CSMD1: variants seen among roughly 807,000 people sequenced by gnomAD.
CSMD1 encodes the protein CUB and sushi domain-containing protein 1.
A neutral mutation model predicts 417.5 loss-of-function variants in CSMD1; 213 were observed. That is an observed-to-expected ratio of 0.51 (90% CI 0.46 to 0.57). The LOEUF is 0.57. Among genes scored for constraint, CSMD1 ranks in the 20% least tolerant of loss-of-function variants. CSMD1 has a pLI of 0.00. For missense variants in CSMD1, 6,923 were observed against 4,529.7 expected (o/e 1.53, Z -15.17); for synonymous variants, 2,862 against 1,736.8 (o/e 1.65, Z -16.11).
chr8:3,163,051 G>A (rs1819993855), intron 37 of CSMD1, among the ~76,000 whole-genome samples: 1 of 152,152 alleles, frequency 6.6e-6, no homozygotes, highest in South Asian at 2.1e-4. Context: ...ATTGATTTTG[G>A]TTTATCAAAA....
intron 5 of CSMD1, among the ~76,000 whole-genome samples, chr8:3,968,647 A>G (rs1207364710): frequency 1.3e-5 from 2 of 152,176 alleles, no homozygotes; most frequent in African/African-American, 4.8e-5. Context: ...CTGAGGCTCT[A>G]CTGTCCTAAA....
chr8:4,707,450 G>T (rs6558904), intron 1 of CSMD1, among the ~76,000 whole-genome samples: 139,971 of 152,020 alleles, frequency 0.92, 64,551 homozygotes, highest in East Asian at 0.99. Flanking sequence ...ATGGTGGAAG[G>T]TCAGATTAAC....
At chr8:4,838,441 A>T (rs545537070) in intron 1 of CSMD1, among the ~76,000 whole-genome samples, 2 of 152,340 alleles carry the variant, frequency 1.3e-5, no homozygotes, top group Admixed American at 6.5e-5. Flanking sequence ...CTCAAACCAG[A>T]GGGAAGGGAA....
chr8:4,080,386 C>T (rs1800067832), intron 3 of CSMD1, among the ~76,000 whole-genome samples: 1 of 152,196 alleles, frequency 6.6e-6, no homozygotes, highest in African/African-American at 2.4e-5. Context: ...CAGAATTCTA[C>T]ATATTGAATT....
chr8:4,661,507 A>G (rs1002359329), intron 1 of CSMD1, among the ~76,000 whole-genome samples: 1 of 152,166 alleles, frequency 6.6e-6, no homozygotes, highest in Non-Finnish European at 1.5e-5. Flanking sequence ...AGGAACGTGA[A>G]TGTGACTCTA....
chr8:4,581,374 C>T (rs1389022861), intron 2 of CSMD1, among the ~76,000 whole-genome samples: 25 of 152,168 alleles, frequency 1.6e-4, no homozygotes, highest in Admixed American at 1.6e-3. Context: ...ATATACTGTA[C>T]ATTTTTAACT....
chr8:4,948,888 C>A (rs180696020), intron 1 of CSMD1, among the ~76,000 whole-genome samples: 23 of 152,058 alleles, frequency 1.5e-4, no homozygotes, highest in Middle Eastern at 3.4e-3. Flanking sequence ...AGATAAAAGA[C>A]CATGTTTTTA....
chr8:2,999,171 T>G (rs1436731237), intron 53 of CSMD1, among the ~76,000 whole-genome samples: 3 of 144,226 alleles, frequency 2.1e-5, no homozygotes, highest in Admixed American at 2.0e-4. Flanking sequence ...TTTTTTTTTT[T>G]TGAGATAGAG....
At chr8:3,570,042 T>A (rs1034490407) in intron 10 of CSMD1, among the ~76,000 whole-genome samples, 2 of 152,090 alleles carry the variant, frequency 1.3e-5, no homozygotes, top group South Asian at 4.1e-4. Context: ...AGAGAAAAAA[T>A]AAACTTCTAA....
chr8:3,796,364 GATATCTATCATGTAT>G (rs1427834169), intron 5 of CSMD1, among the ~76,000 whole-genome samples: 1,172 of 69,762 alleles, frequency 0.017, 292 homozygotes, highest in Middle Eastern at 0.033. Context: ...TATAGATATA[GATATCTATCATGTAT>G]ATATATATCT....
At chr8:3,958,602 G>A (rs922998145) in intron 5 of CSMD1, among the ~76,000 whole-genome samples, 10 of 151,858 alleles carry the variant, frequency 6.6e-5, no homozygotes, top group South Asian at 2.1e-4. Flanking sequence ...TCACATACCC[G>A]CATTTGAATA....
intron 10 of CSMD1, among the ~76,000 whole-genome samples, chr8:3,506,266 T>G (rs1354016090): frequency 1.3e-5 from 2 of 152,198 alleles, no homozygotes; most frequent in African/African-American, 4.8e-5. Context: ...TCTGGCATCA[T>G]CTGTCACAGA....
At chr8:4,364,965 A>G (rs1474729538) in intron 3 of CSMD1, among the ~76,000 whole-genome samples, 1 of 151,848 alleles carries the variant, frequency 6.6e-6, no homozygotes, top group African/African-American at 2.4e-5. Flanking sequence ...AAGGGATTTA[A>G]TATGTTTAAA....
chr8:4,948,081 A>T (rs1808486932), intron 1 of CSMD1, among the ~76,000 whole-genome samples: 1 of 146,012 alleles, frequency 6.8e-6, no homozygotes, highest in South Asian at 2.1e-4. Flanking sequence ...CAAGAACATT[A>T]ATTTTTTTTT....
intron 54 of CSMD1, among the ~76,000 whole-genome samples, chr8:2,997,324 C>T (rs1585116472): frequency 1.3e-5 from 2 of 152,366 alleles, no homozygotes; most frequent in South Asian, 4.1e-4. Flanking sequence ...TGGGTTCCCA[C>T]TCTGCTATCA....
intron 18 of CSMD1, 76 bp downstream of exon 18, chr8:3,387,418 C>T: frequency 7.8e-7 from 1 of 1,285,460 alleles, no homozygotes; most frequent in Non-Finnish European, 1.1e-6. Context: ...GAAATACACA[C>T]ACCACCCAGC....
At chr8:4,937,568 T>C (rs1209799483) in intron 1 of CSMD1, among the ~76,000 whole-genome samples, 2 of 152,206 alleles carry the variant, frequency 1.3e-5, no homozygotes, top group Admixed American at 6.5e-5. Context: ...TCTGTCAGCA[T>C]GACAAAGAAC....
intron 2 of CSMD1, among the ~76,000 whole-genome samples, chr8:4,442,121 C>G (rs561423450): frequency 2.0e-5 from 3 of 152,284 alleles, no homozygotes; most frequent in African/African-American, 7.2e-5. Context: ...TCCTCCCACT[C>G]TTATCTCCTG....
chr8:3,545,906 G>T (rs1021991096), intron 10 of CSMD1, among the ~76,000 whole-genome samples: 1 of 152,160 alleles, frequency 6.6e-6, no homozygotes, highest in African/African-American at 2.4e-5. Context: ...AAATTATAGT[G>T]AATGCATAGT....
Sources: allele counts gnomAD v4.1 joint callset (sites outside exome capture counted in the v4.1 genomes callset), GRCh38; gene constraint gnomAD v4.1.1; transcripts MANE v1.5; gene names NCBI Gene and HGNC (gene_info 2026-07-23, HGNC 2026-07-21).